Variants in ATRNL1 observed in about 807,000 individuals in gnomAD.
ATRNL1 encodes attractin like 1.
In ATRNL1, 95 loss-of-function variants were observed where a neutral mutation model predicts 182.7. That is an observed-to-expected ratio of 0.52 (90% CI 0.44 to 0.62). The LOEUF (loss-of-function observed/expected upper bound fraction) is 0.62, where lower values mean the gene tolerates loss of function less well. Ranked by LOEUF, ATRNL1 falls within the 20% of genes least tolerant of loss-of-function variation. The pLI is 0.00. For missense variants in ATRNL1, 1,471 were observed against 1,679.5 expected (o/e 0.88, Z 2.17); for synonymous variants, 576 against 568.3 (o/e 1.01, Z -0.19).
chr10:115,199,296 G>T (rs1848469931), intron 8 of ATRNL1, among the ~76,000 whole-genome samples: 1 of 151,790 alleles, frequency 6.6e-6, no homozygotes, highest in African/African-American at 2.4e-5. Flanking sequence ...TTTCGGCTGG[G>T]TGCAGTGGCT....
chr10:115,295,387 TGCCTGCCA>T (rs1853128972), intron 15 of ATRNL1, among the ~76,000 whole-genome samples: 1 of 152,158 alleles, frequency 6.6e-6, no homozygotes, highest in African/African-American at 2.4e-5. Flanking sequence ...CCTGTGGGTG[TGCCTGCCA>T]GGGGTGGCCT....
At chr10:115,619,289 T>C (rs1857597132) in intron 26 of ATRNL1, among the ~76,000 whole-genome samples, 1 of 152,154 alleles carries the variant, frequency 6.6e-6, no homozygotes, top group South Asian at 2.1e-4. Context: ...TGGTGAGCCA[T>C]TCCATGGGGC....
chr10:115,559,454 A>ACGCGCGCACGCACGCG (rs71010027), intron 26 of ATRNL1, among the ~76,000 whole-genome samples: 3 of 135,306 alleles, frequency 2.2e-5, no homozygotes, highest in Non-Finnish European at 4.7e-5. Flanking sequence ...GCGCGCGCGC[A>ACGCGCGCACGCACGCG]CGCACGCACA....
At chr10:115,848,951 C>A (rs112595489) in intron 28 of ATRNL1, among the ~76,000 whole-genome samples, 1 of 152,190 alleles carries the variant, frequency 6.6e-6, no homozygotes, top group African/African-American at 2.4e-5. Flanking sequence ...CTTATTTTAT[C>A]TTTTCTTACT....
intron 27 of ATRNL1, among the ~76,000 whole-genome samples, chr10:115,733,766 T>C (rs1291809933): frequency 6.6e-6 from 1 of 152,178 alleles, no homozygotes; most frequent in African/African-American, 2.4e-5. Context: ...TGATTTGTGA[T>C]ATTTGATATT....
chr10:115,781,210 A>G (rs1455711163), intron 27 of ATRNL1, among the ~76,000 whole-genome samples: 1 of 152,162 alleles, frequency 6.6e-6, no homozygotes, highest in Non-Finnish European at 1.5e-5. Context: ...CACCAAATCC[A>G]AGCAAAGATG....
At chr10:115,901,213 T>C (rs1952342153) in intron 28 of ATRNL1, among the ~76,000 whole-genome samples, 1 of 152,176 alleles carries the variant, frequency 6.6e-6, no homozygotes, top group Non-Finnish European at 1.5e-5. Context: ...AGGTCACATT[T>C]TTCTCCCACA....
rs963192 is a variant in ATRNL1 at position 115,945,114 on chromosome 10, G to T, written c.*335G>T. 0.98 allele frequency: 162,956 copies of T among 165,470 alleles called. 80,296 individuals carry two copies. The highest frequency in any genetic ancestry group is 1 in the East Asian group (6,034 of 6,034). 10.3% of individuals were successfully genotyped at this position (165,470 alleles called of 1,614,324 possible). ...ATCAACTGTTTATATCCCAAGACTTGAAAGAAAGACATTTTTTAATGCCTG... is the reference window on the plus strand; with the variant it reads ...ATCAACTGTTTATATCCCAAGACTTTAAAGAAAGACATTTTTTAATGCCTG... On this transcript the variant is annotated 3_prime_UTR_variant, in exon 29 of 29. Transcript: ENST00000355044.
chr10:115,624,998 G>A (rs1857998115), intron 26 of ATRNL1, among the ~76,000 whole-genome samples: 1 of 152,046 alleles, frequency 6.6e-6, no homozygotes, highest in African/African-American at 2.4e-5. Flanking sequence ...TAAAACCAAA[G>A]CAGGTATGGC....
intron 24 of ATRNL1, among the ~76,000 whole-genome samples, chr10:115,505,547 G>A (rs879981102): frequency 1.7e-4 from 26 of 152,090 alleles, no homozygotes; most frequent in Admixed American, 1.2e-3. Context: ...AGGGAGCTAG[G>A]TACCTTCTTT....
At chr10:115,346,540 TTA>T (rs1363214464) in intron 19 of ATRNL1, among the ~76,000 whole-genome samples, 5 of 152,192 alleles carry the variant, frequency 3.3e-5, no homozygotes, top group Non-Finnish European at 5.9e-5. Flanking sequence ...ACATCATATT[TTA>T]TCTATCTATT....
At chr10:115,751,883 T>C (rs78838909) in intron 27 of ATRNL1, among the ~76,000 whole-genome samples, 5,122 of 152,092 alleles carry the variant, frequency 0.034, 274 homozygotes, top group African/African-American at 0.11. Flanking sequence ...AAAAGTATTA[T>C]TTGGGTTTTC....
At chr10:115,271,451 A>G (rs1851862190) in intron 13 of ATRNL1, among the ~76,000 whole-genome samples, 1 of 151,698 alleles carries the variant, frequency 6.6e-6, no homozygotes, top group Admixed American at 6.6e-5. Context: ...ACCCCACGAC[A>G]GGCCCCGGCA....
At chr10:115,340,532 T>C (rs1336973699) in intron 19 of ATRNL1, among the ~76,000 whole-genome samples, 2 of 149,228 alleles carry the variant, frequency 1.3e-5, no homozygotes, top group African/African-American at 2.5e-5. Context: ...CAGGGTAATA[T>C]TGGCCTTGTA....
In ATRNL1 at chr10:115,121,735, T is replaced by G. The variant is rs1554871675; in HGVS notation, c.414T>G (p.Phe138Leu). 1.3e-6 allele frequency: 2 copies of G among 1,563,342 alleles called. No individual in the cohort carries two copies. The highest frequency in any genetic ancestry group is 1.7e-6 in the Non-Finnish European group (2 of 1,152,466). The stretch of plus-strand genomic sequence containing the variant: ...TGTTAAGATTAAGATTCAATCATTT[T>G]GCTACAGAATGTAGCTGGGATCATA... ...NAVLRLRFNH[F>L]ATECSWDHMY... Residue 138 changes from phenylalanine to leucine, a missense_variant, in exon 3 of 29, where the codon TTT (phenylalanine) becomes TTG (leucine). Phe to Leu is a conservative substitution (Grantham distance 22). This residue lies in a region of ATRNL1 where 1,031 missense variants were observed against 1,156.0 expected (regional missense o/e 0.89). Coordinates refer to ENST00000355044, the MANE Select transcript of ATRNL1 (RefSeq NM_207303.4).
chr10:115,633,619 C>A (rs1358415430), intron 26 of ATRNL1, among the ~76,000 whole-genome samples: 1 of 152,012 alleles, frequency 6.6e-6, no homozygotes, highest in African/African-American at 2.4e-5. Flanking sequence ...TAATTGTTTG[C>A]AAGATAGATA....
intron 7 of ATRNL1, among the ~76,000 whole-genome samples, chr10:115,169,515 G>A (rs1257922688): frequency 6.6e-6 from 1 of 151,914 alleles, no homozygotes; most frequent in East Asian, 1.9e-4. Context: ...AACCTATCTT[G>A]ATTACTTTTG....
intron 28 of ATRNL1, among the ~76,000 whole-genome samples, chr10:115,942,605 C>A (rs1555124538): frequency 6.6e-6 from 1 of 152,162 alleles, no homozygotes; most frequent in African/African-American, 2.4e-5. Context: ...TGAAGCTTAC[C>A]CAGAATTAAC....
chr10:115,394,896 T>C (rs1197689640), intron 20 of ATRNL1, 144 bp downstream of exon 20: 13 of 644,306 alleles, frequency 2.0e-5, no homozygotes, highest in Non-Finnish European at 3.4e-5. Flanking sequence ...GATTTGAGGG[T>C]ACATGTGCAG....
Sources: allele counts gnomAD v4.1 joint callset (sites outside exome capture counted in the v4.1 genomes callset), GRCh38; gene constraint gnomAD v4.1.1; regional missense constraint gnomAD v4.1.1; transcripts MANE v1.5; gene names NCBI Gene and HGNC (gene_info 2026-07-23, HGNC 2026-07-21).